The following DOK6 variants were observed in gnomAD, a reference collection of about 807,000 sequenced individuals.
DOK6 encodes the protein downstream of tyrosine kinase 6.
A neutral mutation model predicts 44.0 loss-of-function variants in DOK6; 22 were observed. The observed-to-expected ratio is 0.50, with a 90% CI of 0.36 to 0.71. DOK6 has a LOEUF of 0.71. Ranked by LOEUF, DOK6 falls within the 30% of genes least tolerant of loss-of-function variation. The probability of loss-of-function intolerance (pLI) is 0.00; values close to 1 mark genes in which losing one functional copy is unlikely to be tolerated. For missense variants in DOK6, 340 were observed against 416.4 expected, an observed-to-expected ratio of 0.82 and a Z score of 1.60; for synonymous variants, 166 against 145.5, an observed-to-expected ratio of 1.14 and a Z score of -1.01.
intron 3 of DOK6, among the ~76,000 whole-genome samples, chr18:69,667,373 T>A (rs1206191745): frequency 6.6e-6 from 1 of 152,192 alleles, no homozygotes; most frequent in African/African-American, 2.4e-5. Context: ...TGACTCCAAC[T>A]TCTGTTTCTC....
chr18:69,573,857 G>A (rs573503542), intron 2 of DOK6, among the ~76,000 whole-genome samples: 4 of 151,598 alleles, frequency 2.6e-5, no homozygotes, highest in South Asian at 2.1e-4. Context: ...ATTCTATAAC[G>A]CCACTCTTTA....
In DOK6 at chr18:69,633,950, T is replaced by C. The variant is rs191273955; in HGVS notation, c.289+34452T>C. Among the ~76,000 whole-genome samples the C allele has an allele frequency of 4.1e-3, 616 of 152,010 alleles. 6 individuals carry two copies. The highest frequency in any genetic ancestry group is 7.4e-3 in the Non-Finnish European group (502 of 67,962). ...TTAGAGGAACAAGAGAGTATAAATA[T>C]GGAAAAGTAATATTGAAAGTCTTAT... On this transcript the variant is annotated intron_variant, in intron 3 of 7. Transcript: ENST00000382713.
chr18:69,487,130 C>G (rs539962381), intron 1 of DOK6, among the ~76,000 whole-genome samples: 38 of 151,506 alleles, frequency 2.5e-4, no homozygotes, highest in African/African-American at 9.0e-4. Context: ...GTCTTTATCT[C>G]TGATTCAATA....
intron 2 of DOK6, among the ~76,000 whole-genome samples, chr18:69,570,095 A>G (rs1194432055): frequency 6.6e-6 from 1 of 152,074 alleles, no homozygotes; most frequent in Non-Finnish European, 1.5e-5. Context: ...GTTGAGTACT[A>G]TGCTTAGTAC....
intron 1 of DOK6, among the ~76,000 whole-genome samples, chr18:69,510,641 C>A (rs912304371): frequency 6.6e-6 from 1 of 152,206 alleles, no homozygotes; most frequent in African/African-American, 2.4e-5. Flanking sequence ...GGCCAAAGTA[C>A]AAAGCATGAG....
chr18:69,782,593 G>A (rs141064771), intron 7 of DOK6, among the ~76,000 whole-genome samples: 26 of 151,704 alleles, frequency 1.7e-4, no homozygotes, highest in African/African-American at 6.3e-4. Context: ...AATAGAACAA[G>A]TTGTGTTTCA....
At chr18:69,469,500 G>T (rs1980028223) in intron 1 of DOK6, 1 of 153,756 alleles carries the variant, frequency 6.5e-6, no homozygotes, top group African/African-American at 2.4e-5. Flanking sequence ...CCTTCGCCGG[G>T]AGTGATCTGC....
chr18:69,736,274 T>C (rs2144735457), intron 5 of DOK6, among the ~76,000 whole-genome samples: 1 of 152,190 alleles, frequency 6.6e-6, no homozygotes, highest in East Asian at 1.9e-4. Flanking sequence ...CCTAGTCTTT[T>C]GAATCCTATA....
intron 1 of DOK6, among the ~76,000 whole-genome samples, chr18:69,446,091 T>G (rs896837373): frequency 1.3e-5 from 2 of 152,126 alleles, no homozygotes; most frequent in Non-Finnish European, 2.9e-5. Context: ...AGTTCTAGGG[T>G]ACATGTGCAC....
intron 3 of DOK6, among the ~76,000 whole-genome samples, chr18:69,676,819 C>T (rs1348504332): frequency 6.6e-6 from 1 of 152,164 alleles, no homozygotes. Context: ...CTACCTCACT[C>T]GCACAGGGCT....
chr18:69,573,637 GT>G lies in DOK6; in HGVS notation c.174+9052del, dbSNP rs748015408. Among the ~76,000 whole-genome samples the G allele has an allele frequency of 2.2e-4, 33 of 150,388 alleles. 1 individual carries two copies. The highest frequency in any genetic ancestry group is 6.6e-4 in the African/African-American group (27 of 41,006). On this transcript the variant is annotated intron_variant, in intron 2 of 7. Coordinates refer to ENST00000382713, the MANE Select transcript of DOK6 (RefSeq NM_152721.6). Reference sequence around the variant, plus strand: ...ATTCATCAGTAGTACAAATTTTAAGGTTTTTTTTTAAGAGTGTATGCAAGGC... The same window carrying G: ...ATTCATCAGTAGTACAAATTTTAAGGTTTTTTTTAAGAGTGTATGCAAGGC...
chr18:69,698,999 C>CTT (rs902419451), intron 5 of DOK6, among the ~76,000 whole-genome samples: 2 of 152,048 alleles, frequency 1.3e-5, no homozygotes, highest in African/African-American at 4.8e-5. Flanking sequence ...AGCAAACAAT[C>CTT]TTTTTTTAAA....
intron 3 of DOK6, among the ~76,000 whole-genome samples, chr18:69,650,187 T>C (rs780191174): frequency 6.6e-6 from 1 of 152,168 alleles, no homozygotes; most frequent in Non-Finnish European, 1.5e-5. Context: ...TTCTATGAAA[T>C]TATCATCTTT....
intron 7 of DOK6, among the ~76,000 whole-genome samples, chr18:69,764,035 G>A (rs1979642693): frequency 6.6e-6 from 1 of 152,114 alleles, no homozygotes; most frequent in Admixed American, 6.6e-5. Context: ...CGCAAGGTGA[G>A]GTGTTTGTTG....
Position 69,841,292 on chromosome 18 carries a change from G to T in DOK6, c.905G>T (p.Ser302Ile). 1 of 1,614,180 alleles carries T rather than the reference G, an allele frequency of 6.2e-7. No homozygotes were observed. The highest frequency in any genetic ancestry group is 8.5e-7 in the Non-Finnish European group (1 of 1,180,042). The change falls in exon 8 of 8, where the codon AGC becomes ATC. Residue 302 changes from serine to isoleucine, a missense_variant. Physicochemically the swap from Ser to Ile is moderately radical, Grantham distance 142. Transcript: ENST00000382713. The part of the protein sequence containing the change: ...SKMSRAQTFP[S>I]YAPEQSEEAQ... Reference sequence around the variant, plus strand: ...ATGTCTCGTGCACAGACATTTCCCAGCTACGCCCCAGAACAGAGTGAAGAG... The same window carrying T: ...ATGTCTCGTGCACAGACATTTCCCATCTACGCCCCAGAACAGAGTGAAGAG...
chr18:69,445,528 T>A (rs1979259875), intron 1 of DOK6, among the ~76,000 whole-genome samples: 1 of 151,864 alleles, frequency 6.6e-6, no homozygotes, highest in Non-Finnish European at 1.5e-5. Flanking sequence ...GTCAGATGCT[T>A]TTTTTGGGGG....
intron 7 of DOK6, among the ~76,000 whole-genome samples, chr18:69,816,770 A>G (rs572785904): frequency 6.6e-6 from 1 of 152,238 alleles, no homozygotes; most frequent in Non-Finnish European, 1.5e-5. Flanking sequence ...GGTTAACTTC[A>G]GAGCCGCTGG....
At chr18:69,727,056 A>G (rs1000238081) in intron 5 of DOK6, among the ~76,000 whole-genome samples, 10 of 152,162 alleles carry the variant, frequency 6.6e-5, no homozygotes, top group African/African-American at 2.4e-4. Context: ...AGGGTCCTAC[A>G]CTACATTGTC....
chr18:69,501,241 C>T (rs1047066835), intron 1 of DOK6, among the ~76,000 whole-genome samples: 1 of 152,062 alleles, frequency 6.6e-6, no homozygotes, highest in Non-Finnish European at 1.5e-5. Context: ...CAGATGATCT[C>T]AAACAATACT....
Sources: gnomAD v4.1 joint callset for allele counts (sites outside exome capture counted in the v4.1 genomes callset) on GRCh38, gnomAD v4.1.1 for gene constraint, MANE v1.5 for transcripts, NCBI Gene and HGNC (gene_info 2026-07-23, HGNC 2026-07-21) for gene names.